The following SCN2A variants were observed in gnomAD, a reference collection of about 807,000 sequenced individuals.
The protein encoded by SCN2A is sodium voltage-gated channel alpha subunit 2, also known as sodium channel protein type 2 subunit alpha.
A neutral mutation model predicts 188.7 loss-of-function variants in SCN2A; 20 were observed. The ratio of observed to expected loss-of-function variants is 0.11; its 90% CI spans 0.07 to 0.15. The LOEUF (loss-of-function observed/expected upper bound fraction) is 0.15. Ranked by LOEUF, SCN2A falls within the 10% of genes least tolerant of loss-of-function variation. SCN2A has a pLI of 1.00. For synonymous variants in SCN2A, 804 were observed against 833.1 expected, an observed-to-expected ratio of 0.97 and a Z score of 0.60; for missense variants, 1,278 against 2,445.0, an observed-to-expected ratio of 0.52 and a Z score of 10.07.
chr2:165,240,651 G>A (rs1335099255), intron 1 of SCN2A, among the ~76,000 whole-genome samples: 1 of 143,928 alleles, frequency 6.9e-6, no homozygotes. Context: ...TTTCTCCTGT[G>A]GAAAGAGCTG....
intron 1 of SCN2A, among the ~76,000 whole-genome samples, chr2:165,280,161 A>G (rs1264481958): frequency 6.6e-6 from 1 of 152,154 alleles, no homozygotes; most frequent in African/African-American, 2.4e-5. Context: ...TGCAGGAGAT[A>G]GAACCTTTAA....
chr2:165,341,510 T>G (rs1005420447), intron 14 of SCN2A, among the ~76,000 whole-genome samples: 22 of 152,284 alleles, frequency 1.4e-4, no homozygotes, highest in Admixed American at 1.4e-3. Flanking sequence ...CCTTGCAAAG[T>G]CCAAAGGAAA....
chr2:165,301,980 C>A (rs543198935), intron 3 of SCN2A, among the ~76,000 whole-genome samples: 1 of 152,270 alleles, frequency 6.6e-6, no homozygotes, highest in East Asian at 1.9e-4. Flanking sequence ...CATTTTGCAT[C>A]CAATAGAAAA....
intron 11 of SCN2A, among the ~76,000 whole-genome samples, chr2:165,321,528 C>T (rs923621265): frequency 6.6e-6 from 1 of 152,168 alleles, no homozygotes; most frequent in African/African-American, 2.4e-5. Context: ...CAAAGAAAGA[C>T]ATTTAATTGG....
chr2:165,365,674 C>T (rs1486201091), intron 18 of SCN2A, among the ~76,000 whole-genome samples: 1 of 151,956 alleles, frequency 6.6e-6, no homozygotes, highest in Non-Finnish European at 1.5e-5. Context: ...TTATTATGTA[C>T]TATTTTGTGA....
chr2:165,307,938 G>GT lies in SCN2A; in HGVS notation c.476+2dup. On this transcript the variant is annotated splice_donor_variant, in intron 4 of 26. Transcript: ENST00000375437. LOFTEE classifies it high-confidence loss of function. ...CTCCAGACTGGACAAAGAATGTGGA[G>GT]TAAGTATAAATATTTTTCAATATTG... 1 of 1,588,202 alleles carries GT rather than the reference G, an allele frequency of 6.3e-7. No homozygotes were observed. The highest frequency in any genetic ancestry group is 8.6e-7 in the Non-Finnish European group (1 of 1,156,708).
chr2:165,364,311 G>T (rs1344859334), intron 17 of SCN2A, among the ~76,000 whole-genome samples: 8 of 152,048 alleles, frequency 5.3e-5, no homozygotes, highest in Non-Finnish European at 8.8e-5. Context: ...TTAAAGACTG[G>T]GATCCCTTCA....
chr2:165,349,603 A>G (rs1699782057), intron 16 of SCN2A, among the ~76,000 whole-genome samples: 2 of 152,364 alleles, frequency 1.3e-5, no homozygotes, highest in Admixed American at 6.5e-5. Context: ...ATGTATGCAT[A>G]AAAAGATATA....
At chr2:165,302,989 C>T (rs1169331364) in intron 3 of SCN2A, among the ~76,000 whole-genome samples, 4 of 152,074 alleles carry the variant, frequency 2.6e-5, no homozygotes, top group Admixed American at 6.5e-5. Flanking sequence ...CATCTTTGTC[C>T]CCTGATATTA....
intron 1 of SCN2A, among the ~76,000 whole-genome samples, chr2:165,263,994 T>C (rs990174735): frequency 6.6e-6 from 1 of 152,140 alleles, no homozygotes; most frequent in Non-Finnish European, 1.5e-5. Context: ...ACATTAACTT[T>C]GTATCAAAAC....
chr2:165,385,504 T>C (rs998498863), intron 25 of SCN2A, among the ~76,000 whole-genome samples: 2 of 152,198 alleles, frequency 1.3e-5, no homozygotes, highest in Non-Finnish European at 2.9e-5. Context: ...ATTGTGACTT[T>C]TTAAAAGATA....
Position 165,321,883 on chromosome 2 carries a change from T to C in SCN2A, c.1672-1273T>C, listed in dbSNP as rs1485802539. Among the ~76,000 whole-genome samples the C allele has an allele frequency of 4.6e-5, 7 of 152,350 alleles. 1 individual carries two copies. Among genetic ancestry groups the C allele is most frequent in the Admixed American group, 4.6e-4 (7 of 15,300 alleles). On this transcript the variant is annotated intron_variant, in intron 11 of 26. Transcript: ENST00000375437. ...ATTAGTAGGTATAAAATAATGGTTT[T>C]AGTTAGTTTTGAACCTTTGGAGAGG...
intron 11 of SCN2A, among the ~76,000 whole-genome samples, chr2:165,317,265 G>A (rs564336587): frequency 6.9e-6 from 1 of 145,696 alleles, no homozygotes; most frequent in East Asian, 2.2e-4. Context: ...GATTCCATTA[G>A]TAGAAACATT....
At chr2:165,382,063 C>T (rs1056228188) in intron 25 of SCN2A, among the ~76,000 whole-genome samples, 2 of 151,954 alleles carry the variant, frequency 1.3e-5, no homozygotes, top group African/African-American at 4.8e-5. Flanking sequence ...GGGTGTACAA[C>T]TTGAGCCTAG....
chr2:165,334,066 G>T (rs542730472), intron 14 of SCN2A, among the ~76,000 whole-genome samples: 8 of 149,540 alleles, frequency 5.3e-5, no homozygotes, highest in Non-Finnish European at 1.0e-4. Context: ...ACTGACTCAA[G>T]AAGTAATAGA....
chr2:165,344,385 T>A (rs1321273559), intron 15 of SCN2A, among the ~76,000 whole-genome samples, 170 bp from the exon 16 acceptor site: 1 of 151,758 alleles, frequency 6.6e-6, no homozygotes, highest in African/African-American at 2.4e-5. Context: ...ATTTTTCCCT[T>A]CCTGTGTCCA....
intron 17 of SCN2A, among the ~76,000 whole-genome samples, chr2:165,358,822 A>C (rs970571445): frequency 6.6e-6 from 1 of 152,106 alleles, no homozygotes. Flanking sequence ...GGGTGTTTTT[A>C]AAATGAAGAG....
At chr2:165,333,322 A>G (rs956758800) in intron 14 of SCN2A, among the ~76,000 whole-genome samples, 16 of 152,018 alleles carry the variant, frequency 1.1e-4, no homozygotes, top group Admixed American at 9.8e-4. Context: ...GAATTATGGA[A>G]TAGTAGAAAA....
In SCN2A at chr2:165,354,449, A is replaced by G. The variant is rs960821024; in HGVS notation, c.3177A>G (p.Ile1059Met). ...GCTGTATTTCCAACCATACCACCATAGAAATAGGCAAAGACCTCAATTATC... is the reference window on the plus strand; with the variant it reads ...GCTGTATTTCCAACCATACCACCATGGAAATAGGCAAAGACCTCAATTATC... Reference protein sequence around the residue: ...KDSCISNHTTIEIGKDLNYLK... With the variant: ...KDSCISNHTTMEIGKDLNYLK... The change falls in exon 17 of 27, where the codon ATA (isoleucine) becomes ATG (methionine). Residue 1059 changes from isoleucine (I) to methionine (M), a missense_variant. Transcript: ENST00000375437. 4 of 1,614,042 alleles carry G rather than the reference A, an allele frequency of 2.5e-6. No homozygotes were observed. Among genetic ancestry groups the G allele is most frequent in the Admixed American group, 1.7e-5 (1 of 60,004 alleles).
Sources: gnomAD v4.1 joint callset for allele counts (sites outside exome capture counted in the v4.1 genomes callset) on GRCh38, gnomAD v4.1.1 for gene constraint, MANE v1.5 for transcripts, NCBI Gene and HGNC (gene_info 2026-07-23, HGNC 2026-07-21) for gene names.